PKDCC: variants seen among roughly 807,000 people sequenced by gnomAD.
PKDCC encodes protein kinase domain containing, cytoplasmic.
In PKDCC, 35 loss-of-function variants were observed where a neutral mutation model predicts 44.7. The observed-to-expected ratio is 0.78, with a 90% CI of 0.60 to 1.04. The LOEUF (loss-of-function observed/expected upper bound fraction) is 1.04. Among genes scored for constraint, PKDCC ranks in the 50% least tolerant of loss-of-function variants. PKDCC has a pLI of 0.00. For synonymous variants in PKDCC, 353 were observed against 303.3 expected (o/e 1.16, Z -1.70); for missense variants, 738 against 672.7 (o/e 1.10, Z -1.07).
In PKDCC at chr2:42,054,232, A is replaced by T; in HGVS notation, c.959A>T (p.Asn320Ile). ...TDCILEFPAR[N>I]FTLPCSAQGW... ...TGCATACTCGAGTTTCCGGCCAGGA[A>T]CTTCACCCTGCCCTGCTCAGCCCAG... The change falls in exon 3 of 7, where the codon AAC becomes ATC. Residue 320 changes from asparagine to isoleucine, a missense_variant. Coordinates refer to ENST00000294964, the MANE Select transcript of PKDCC (RefSeq NM_138370.3). This position sits in a 1 kb window ranked among gnomAD's most constrained non-coding sequence, Gnocchi z 6.1. The T allele has an allele frequency of 1.9e-6, 3 of 1,604,286 alleles. No individual in the cohort carries two copies. Among genetic ancestry groups the T allele is most frequent in the Non-Finnish European group, 2.6e-6 (3 of 1,175,122 alleles).
At chr2:42,053,159 AG>A in intron 1 of PKDCC, 79 bp from the exon 2 acceptor site, 2 of 1,435,452 alleles carry the variant, frequency 1.4e-6, no homozygotes, top group Non-Finnish European at 9.4e-7. Flanking sequence ...GAGGAGAGAG[AG>A]GGGGAACCTG....
At position 42,053,221 on chromosome 2, in the gene PKDCC, GCC is replaced by G. The variant is rs1362626966; in HGVS notation, c.640-16_640-15del. On this transcript the variant is annotated splice_polypyrimidine_tract_variant and intron_variant, in intron 1 of 6. Transcript: ENST00000294964. The stretch of plus-strand genomic sequence containing the variant: ...CCCCCACCCTGTGACCTAATGACCT[GCC>G]CTCGGCTTTCCCCAGCTCTATGGCT... The G allele has an allele frequency of 7.3e-7, 1 of 1,372,624 alleles. No individual in the cohort carries two copies. The allele number at this position is 1,372,624 out of a possible 1,614,324, so 85.0% of individuals were successfully genotyped here.
intron 5 of PKDCC, 70 bp from the exon 6 acceptor site, chr2:42,057,151 A>G: frequency 6.5e-7 from 1 of 1,542,542 alleles, no homozygotes; most frequent in Non-Finnish European, 8.9e-7. Flanking sequence ...CTTTCCAGAA[A>G]GTGACACATC....
At position 42,051,360 on chromosome 2, in the gene PKDCC, GGGGCCCCCAGGCCTTGGAT is replaced by G. The variant is rs56882779; in HGVS notation, c.640-1864_640-1846del. 0.26 allele frequency among the ~76,000 whole-genome samples: 39,311 copies of G among 150,794 alleles called. 5,414 individuals are homozygous for G. The highest frequency in any genetic ancestry group is 0.35 in the Middle Eastern group (102 of 290). ...CACCTCCCCCTCCCCCAGTCATCCT[GGGGCCCCCAGGCCTTGGAT>G]GGGCCCCCAGGCCTGCCTGGGCCCA... is the stretch of plus-strand genomic sequence containing the variant. On this transcript the variant is annotated intron_variant, in intron 1 of 6. Coordinates refer to ENST00000294964, the MANE Select transcript of PKDCC (RefSeq NM_138370.3). The surrounding 1 kb of genome is among the most constrained non-coding windows in gnomAD (Gnocchi z 4.2).
Position 42,048,440 on chromosome 2 carries a change from C to G in PKDCC, c.241C>G (p.Arg81Gly). Residue 81 changes from arginine (R) to glycine (G), a missense_variant, in exon 1 of 7, where the codon CGG becomes GGG. By Grantham distance (125) the Arg-to-Gly change is moderately radical. Transcript: ENST00000294964. This position sits in a 1 kb window ranked among gnomAD's most constrained non-coding sequence, Gnocchi z 6.2. ...CGGGGGCCCCGGGCCCGGGGCGGGCCGGCCGGAGCGGCGGCGCCTGATGGA... is the reference window on the plus strand; with the variant it reads ...CGGGGGCCCCGGGCCCGGGGCGGGCGGGCCGGAGCGGCGGCGCCTGATGGA... ...SRGGPGPGAG[R>G]PERRRLMDLA... is the part of the protein sequence containing the mutation. 2 of 1,107,320 alleles carry G rather than the reference C, an allele frequency of 1.8e-6. No individual in the cohort carries two copies. Among genetic ancestry groups the G allele is most frequent in the Non-Finnish European group, 2.2e-6 (2 of 911,790 alleles). 68.6% of individuals were successfully genotyped at this position (1,107,320 alleles called of 1,614,324 possible). A position where few individuals can be genotyped will look rare whatever the true frequency, so the allele number is the denominator to read the frequency against.
At position 42,048,293 on chromosome 2, in the gene PKDCC, C is replaced by G; in HGVS notation, c.94C>G (p.Pro32Ala). The G allele has an allele frequency of 1.6e-6, 2 of 1,262,606 alleles. No individual in the cohort carries two copies. Among genetic ancestry groups the G allele is most frequent in the Non-Finnish European group, 2.0e-6 (2 of 999,996 alleles). 78.2% of individuals were successfully genotyped at this position (1,262,606 alleles called of 1,614,324 possible). Residue 32 changes from proline (P) to alanine (A), a missense_variant, in exon 1 of 7, where the codon CCT becomes GCT. Coordinates refer to ENST00000294964, the MANE Select transcript of PKDCC (RefSeq NM_138370.3). The surrounding 1 kb of genome is among the most constrained non-coding windows in gnomAD (Gnocchi z 6.2). ...CGTGCTCTTCGCTCCGGGCTCGGAGCCTCCGAGGCCAGGCCAGTCCCCTGA... is the reference window on the plus strand; with the variant it reads ...CGTGCTCTTCGCTCCGGGCTCGGAGGCTCCGAGGCCAGGCCAGTCCCCTGA... Reference protein sequence around the residue: ...LNVLFAPGSEPPRPGQSPEPS... With the variant: ...LNVLFAPGSEAPRPGQSPEPS...
In PKDCC at chr2:42,053,969, C is replaced by G; in HGVS notation, c.763-67C>G. The G allele has an allele frequency of 2.6e-6, 4 of 1,547,046 alleles. No homozygotes were observed. The South Asian group carries it at 4.9e-5, about 19-fold the overall frequency. ...AAGTTCAGATTCCAAGAGGAGGGTG[C>G]CCTCGAGTCCCACAGACCCCCAACC... On this transcript the variant is annotated intron_variant, in intron 2 of 6. Transcript: ENST00000294964.
chr2:42,048,901 T>G lies in PKDCC; in HGVS notation c.639+63T>G. The G allele has an allele frequency of 7.2e-7, 1 of 1,379,842 alleles. No individual in the cohort carries two copies. The highest frequency in any genetic ancestry group is 9.4e-7 in the Non-Finnish European group (1 of 1,061,844). 85.5% of individuals were successfully genotyped at this position (1,379,842 alleles called of 1,614,324 possible). On this transcript the variant is annotated intron_variant, in intron 1 of 6. Coordinates refer to ENST00000294964, the MANE Select transcript of PKDCC (RefSeq NM_138370.3). This position sits in a 1 kb window ranked among gnomAD's most constrained non-coding sequence, Gnocchi z 6.2. ...GGGAGTGCCCAAGACCTTGTCAACCTGGCTGGAAGAGAACCCCTTGATCTG... is the reference window on the plus strand; with the variant it reads ...GGGAGTGCCCAAGACCTTGTCAACCGGGCTGGAAGAGAACCCCTTGATCTG...
In PKDCC at chr2:42,053,291, C is replaced by T; in HGVS notation, c.692C>T (p.Thr231Ile). ...DSEDIPDTLTTITELGAPVEM... is the reference protein window; with the variant it reads ...DSEDIPDTLTIITELGAPVEM... Reference sequence around the variant, plus strand: ...GAGGACATCCCAGACACCCTGACCACCATCACGGAGCTGGGCGCCCCTGTA... The same window carrying T: ...GAGGACATCCCAGACACCCTGACCATCATCACGGAGCTGGGCGCCCCTGTA... Residue 231 changes from threonine to isoleucine, a missense_variant, in exon 2 of 7, where the codon ACC (threonine) becomes ATC (isoleucine). Coordinates refer to ENST00000294964, the MANE Select transcript of PKDCC (RefSeq NM_138370.3). 6.2e-7 allele frequency: 1 copy of T among 1,613,768 alleles called. No homozygotes were observed. Among genetic ancestry groups the T allele is most frequent in the South Asian group, 1.1e-5 (1 of 91,058 alleles).
chr2:42,057,713 G>T lies in PKDCC; in HGVS notation c.*25G>T. 1.0e-5 allele frequency: 16 copies of T among 1,604,380 alleles called. No individual in the cohort carries two copies. The highest frequency in any genetic ancestry group is 1.4e-5 in the Non-Finnish European group (16 of 1,172,686). ...ACCTATCTGAGGGCTCGGCTGACCA[G>T]CTGACTATCCTCAGCAGCTGGGCTT... is the stretch of plus-strand genomic sequence containing the variant. On this transcript the variant is annotated 3_prime_UTR_variant, in exon 7 of 7. Transcript: ENST00000294964.
rs1667892132 is a variant in PKDCC, at chr2:42,048,083, C to A, written c.-117C>A. 1 of 541,624 alleles carries A rather than the reference C, an allele frequency of 1.8e-6. No individual in the cohort carries two copies. Among genetic ancestry groups the A allele is most frequent in the Non-Finnish European group, 2.3e-6 (1 of 436,766 alleles). 33.6% of individuals were successfully genotyped at this position (541,624 alleles called of 1,614,324 possible). ...CGGGGTCGGGGCCGCCGGGGCCATG[C>A]GCGCGGGCTGGGCAGGGGGCCGGCG... On this transcript the variant is annotated 5_prime_UTR_variant, in exon 1 of 7. Coordinates refer to ENST00000294964, the MANE Select transcript of PKDCC (RefSeq NM_138370.3). This position sits in a 1 kb window ranked among gnomAD's most constrained non-coding sequence, Gnocchi z 6.2.
chr2:42,053,987 C>T (rs1168257567), intron 2 of PKDCC, 49 bp from the exon 3 acceptor site: 3 of 1,581,006 alleles, frequency 1.9e-6, no homozygotes, highest in Non-Finnish European at 2.6e-6. Context: ...TCCCACAGAC[C>T]CCCAACCCAG....
At position 42,054,421 on chromosome 2, in the gene PKDCC, G is replaced by A; in HGVS notation, c.1034+114G>A. ...GGGCAGGGAGACTCAGCCTTGACCA[G>A]AGCAAGGGAAGGCTTCTACCCTGTC... On this transcript the variant is annotated intron_variant, in intron 3 of 6. Coordinates refer to ENST00000294964, the MANE Select transcript of PKDCC (RefSeq NM_138370.3). This position sits in a 1 kb window ranked among gnomAD's most constrained non-coding sequence, Gnocchi z 6.1. 1 of 1,305,612 alleles carries A rather than the reference G, an allele frequency of 7.7e-7. No homozygotes were observed. The highest frequency in any genetic ancestry group is 1.0e-6 in the Non-Finnish European group (1 of 954,938). The allele number at this position is 1,305,612 out of a possible 1,614,324, so 80.9% of individuals were successfully genotyped here. A position where few individuals can be genotyped will look rare whatever the true frequency, so the allele number is the denominator to read the frequency against.
Position 42,055,495 on chromosome 2 carries a change from C to G in PKDCC, c.1222+102C>G. On this transcript the variant is annotated intron_variant, in intron 5 of 6. Coordinates refer to ENST00000294964, the MANE Select transcript of PKDCC (RefSeq NM_138370.3). This position sits in a 1 kb window ranked among gnomAD's most constrained non-coding sequence, Gnocchi z 4.5. ...GTGGCTCACCCTTTCTCTGGGGACC[C>G]TTGTCTCCAAAGGCCACTGTAGGGG... The G allele has an allele frequency of 1.0e-6, 1 of 995,018 alleles. No homozygotes were observed. The highest frequency in any genetic ancestry group is 1.5e-6 in the Non-Finnish European group (1 of 661,886). 61.6% of individuals were successfully genotyped at this position (995,018 alleles called of 1,614,324 possible). A position where few individuals can be genotyped will look rare whatever the true frequency, so the allele number is the denominator to read the frequency against.
At chr2:42,050,069 T>C (rs75884992) in intron 1 of PKDCC, among the ~76,000 whole-genome samples, 21,094 of 152,026 alleles carry the variant, frequency 0.14, 2,359 homozygotes, top group East Asian at 0.42. Flanking sequence ...GGCCCAAAAG[T>C]TGTTTATACT....
At chr2:42,053,637 ACACT>A (rs1181154976) in intron 2 of PKDCC, 6 of 530,756 alleles carry the variant, frequency 1.1e-5, no homozygotes, top group South Asian at 2.6e-5. Flanking sequence ...GAGCACTCAC[ACACT>A]CACACTCAGC....
Position 42,054,164 on chromosome 2 carries a change from T to C in PKDCC, c.891T>C (p.Asp297=). ...VDGELKVTDL[D]DARVEETPCA... ...GGGAGCTCAAAGTGACGGACCTGGA[T>C]GACGCACGTGTGGAGGAGACGCCGT... is the stretch of plus-strand genomic sequence containing the variant. The change falls in exon 3 of 7, where the codon GAT becomes GAC. Residue 297 remains aspartate, a synonymous_variant. Transcript: ENST00000294964. This position sits in a 1 kb window ranked among gnomAD's most constrained non-coding sequence, Gnocchi z 6.1. 1 of 1,612,800 alleles carries C rather than the reference T, an allele frequency of 6.2e-7. No homozygotes were observed. Among genetic ancestry groups the C allele is most frequent in the Non-Finnish European group, 8.5e-7 (1 of 1,179,502 alleles).
At chr2:42,057,546 T>C in intron 6 of PKDCC, 57 bp from the exon 7 acceptor site, 1 of 1,584,226 alleles carries the variant, frequency 6.3e-7, no homozygotes. Context: ...GGGAGAATGG[T>C]CTTGCCTCCA....
At chr2:42,053,490 C>A in intron 2 of PKDCC, 129 bp downstream of exon 2, 1 of 1,296,530 alleles carries the variant, frequency 7.7e-7, no homozygotes, top group Non-Finnish European at 1.1e-6. Flanking sequence ...GGCGCACAGG[C>A]TGACTCAGCC....
Sources: allele counts gnomAD v4.1 joint callset (sites outside exome capture counted in the v4.1 genomes callset), GRCh38; gene constraint gnomAD v4.1.1; non-coding constraint Gnocchi (gnomAD v3.1); transcripts MANE v1.5; gene names NCBI Gene and HGNC (gene_info 2026-07-23, HGNC 2026-07-21).